Variants in MTTP observed in about 807,000 individuals in gnomAD.
MTTP encodes microsomal triglyceride transfer protein large subunit.
A neutral mutation model predicts 90.6 loss-of-function variants in MTTP; 49 were observed. The observed-to-expected ratio is 0.54, with a 90% CI of 0.43 to 0.69. MTTP has a LOEUF of 0.69. Ranked by LOEUF, MTTP falls within the 30% of genes least tolerant of loss-of-function variation. MTTP has a pLI of 0.00. For missense variants in MTTP, 945 were observed against 1,067.5 expected (o/e 0.89, Z 1.60); for synonymous variants, 347 against 384.2 (o/e 0.90, Z 1.13).
Position 99,597,186 on chromosome 4 carries a change from G to C in MTTP, c.1029G>C (p.Glu343Asp). 1 of 1,613,916 alleles carries C rather than the reference G, an allele frequency of 6.2e-7. No homozygotes were observed. Among genetic ancestry groups the C allele is most frequent in the Admixed American group, 1.7e-5 (1 of 60,008 alleles). Reference sequence around the variant, plus strand: ...ACCTCAGGACTGCGAAGAAAGAAGAGATCCTTCAAATACTAAAGATGGAAA... The same window carrying C: ...ACCTCAGGACTGCGAAGAAAGAAGACATCCTTCAAATACTAAAGATGGAAA... ...IQHLRTAKKE[E>D]ILQILKMENK... Residue 343 changes from glutamate (E) to aspartate (D), a missense_variant, in exon 8 of 18, where the codon GAG becomes GAC. Coordinates refer to ENST00000265517, the MANE Select transcript of MTTP (RefSeq NM_001386140.1).
chr4:99,567,870 C>A (rs890126116), intron 1 of MTTP, among the ~76,000 whole-genome samples: 1 of 152,072 alleles, frequency 6.6e-6, no homozygotes, highest in Non-Finnish European at 1.5e-5. Flanking sequence ...ACCCAATCCT[C>A]CCTCTTAAAA....
Position 99,600,546 on chromosome 4 carries a change from A to T in MTTP, c.1068-19A>T. On this transcript the variant is annotated intron_variant, in intron 8 of 17. Coordinates refer to ENST00000265517, the MANE Select transcript of MTTP (RefSeq NM_001386140.1). ...CTTCCCCTAAACATTGATATCCATGATTATGCCTTTTTTTATAGACCTCAG... is the reference window on the plus strand; with the variant it reads ...CTTCCCCTAAACATTGATATCCATGTTTATGCCTTTTTTTATAGACCTCAG... 1.9e-6 allele frequency: 3 copies of T among 1,611,192 alleles called. No individual in the cohort carries two copies. Among genetic ancestry groups the T allele is most frequent in the South Asian group, 2.2e-5 (2 of 91,006 alleles).
chr4:99,610,197 C>T (rs1725917311), intron 12 of MTTP, among the ~76,000 whole-genome samples: 1 of 152,150 alleles, frequency 6.6e-6, no homozygotes, highest in South Asian at 2.1e-4. Flanking sequence ...TTTGAGGGAA[C>T]TTGTGCCAGT....
At chr4:99,581,803 A>G (rs1725121783) in intron 1 of MTTP, 102 bp from the exon 2 acceptor site, 2 of 1,192,036 alleles carry the variant, frequency 1.7e-6, no homozygotes, top group Non-Finnish European at 1.2e-6. Flanking sequence ...GCGAATATTT[A>G]CCAAGCTTCC....
At chr4:99,621,868 G>A (rs1254043711) in intron 17 of MTTP, among the ~76,000 whole-genome samples, 1 of 152,168 alleles carries the variant, frequency 6.6e-6, no homozygotes, top group African/African-American at 2.4e-5. Context: ...CATAGAGCTA[G>A]AATGCCTTGA....
chr4:99,591,131 T>A, intron 4 of MTTP, 104 bp from the exon 5 acceptor site: 1 of 807,914 alleles, frequency 1.2e-6, no homozygotes, highest in South Asian at 1.4e-5. Context: ...AGAAAAAAAG[T>A]CCCCTATGGC....
At chr4:99,609,177 G>A (rs981101031) in intron 12 of MTTP, among the ~76,000 whole-genome samples, 200 bp downstream of exon 12, 8 of 152,144 alleles carry the variant, frequency 5.3e-5, no homozygotes, top group Admixed American at 4.6e-4. Context: ...GTCCATGACT[G>A]GTAACTCTGG....
intron 1 of MTTP, among the ~76,000 whole-genome samples, chr4:99,578,445 C>CA: frequency 6.6e-6 from 1 of 152,240 alleles, no homozygotes; most frequent in South Asian, 2.1e-4. Flanking sequence ...AAATACTTAT[C>CA]AAAAAGGAAA....
chr4:99,579,495 A>G (rs1725045834), intron 1 of MTTP, among the ~76,000 whole-genome samples: 1 of 152,118 alleles, frequency 6.6e-6, no homozygotes, highest in Non-Finnish European at 1.5e-5. Context: ...TGCCCTTCCC[A>G]CAGATATCCA....
chr4:99,564,608 G>T (rs150443820), intron 1 of MTTP, among the ~76,000 whole-genome samples: 2 of 152,098 alleles, frequency 1.3e-5, no homozygotes, highest in African/African-American at 2.4e-5. Context: ...ATAATCTTTT[G>T]CTATATATAG....
intron 8 of MTTP, among the ~76,000 whole-genome samples, chr4:99,598,718 C>A (rs1171377917): frequency 1.6e-5 from 2 of 128,254 alleles, no homozygotes; most frequent in Admixed American, 1.9e-4. Context: ...GGCTGGAGTG[C>A]AATGGCGCAA....
At chr4:99,617,593 T>C (rs934039398) in intron 15 of MTTP, among the ~76,000 whole-genome samples, 1 of 152,090 alleles carries the variant, frequency 6.6e-6, no homozygotes, top group Non-Finnish European at 1.5e-5. Flanking sequence ...TGGAGGAATA[T>C]CAAAATTAAG....
chr4:99,606,725 A>G (rs1337801660), intron 10 of MTTP, 23 bp from the exon 11 acceptor site: 5 of 1,607,562 alleles, frequency 3.1e-6, no homozygotes, highest in East Asian at 2.2e-5. Flanking sequence ...TCATGCATAT[A>G]TCTAAGGTAT....
At chr4:99,620,966 C>T in intron 16 of MTTP, 95 bp from the exon 17 acceptor site, 1 of 1,168,904 alleles carries the variant, frequency 8.6e-7, no homozygotes, top group Non-Finnish European at 1.2e-6. Flanking sequence ...CAGTCACTGG[C>T]ATCATACGTT....
chr4:99,591,456 T>G (rs1291232578), intron 5 of MTTP, 105 bp downstream of exon 5: 1 of 1,192,170 alleles, frequency 8.4e-7, no homozygotes, highest in Non-Finnish European at 1.2e-6. Context: ...TTGAAACATT[T>G]GTAATTTTTA....
At chr4:99,619,673 A>C (rs937227652) in intron 16 of MTTP, among the ~76,000 whole-genome samples, 1 of 152,212 alleles carries the variant, frequency 6.6e-6, no homozygotes. Context: ...GAATTTTTAA[A>C]AAGGAAATAG....
intron 10 of MTTP, among the ~76,000 whole-genome samples, chr4:99,603,363 T>A (rs1178919903): frequency 6.6e-6 from 1 of 152,116 alleles, no homozygotes; most frequent in Non-Finnish European, 1.5e-5. Flanking sequence ...ATGAATGACA[T>A]ACTCAGATTT....
At chr4:99,589,373 G>A (rs1725356890) in intron 3 of MTTP, among the ~76,000 whole-genome samples, 1 of 151,916 alleles carries the variant, frequency 6.6e-6, no homozygotes, top group African/African-American at 2.4e-5. Context: ...TTGTTTTCAT[G>A]AGGCTCCCAG....
At chr4:99,617,510 C>G (rs1379076259) in intron 15 of MTTP, among the ~76,000 whole-genome samples, 1 of 152,128 alleles carries the variant, frequency 6.6e-6, no homozygotes, top group Non-Finnish European at 1.5e-5. Flanking sequence ...AAATGCATGG[C>G]TTGTTTGGTC....
Sources: allele counts gnomAD v4.1 joint callset (sites outside exome capture counted in the v4.1 genomes callset), GRCh38; gene constraint gnomAD v4.1.1; transcripts MANE v1.5; gene names NCBI Gene and HGNC (gene_info 2026-07-23, HGNC 2026-07-21).